The following ZNF618 variants were observed in gnomAD, a reference collection of about 807,000 sequenced individuals.
ZNF618 encodes the protein zinc finger protein 618, also known as neural precursor cell expressed, developmentally down-regulated 10.
Under a neutral mutation model 103.0 loss-of-function variants are expected in ZNF618, and 34 were observed. The observed-to-expected ratio is 0.33, with a 90% CI of 0.25 to 0.44. The LOEUF (loss-of-function observed/expected upper bound fraction) is 0.44. Among genes scored for constraint, ZNF618 ranks in the 20% least tolerant of loss-of-function variants. The pLI is 1.00. For synonymous variants in ZNF618, 551 were observed against 542.2 expected, an observed-to-expected ratio of 1.02 and a Z score of -0.23; for missense variants, 1,059 against 1,295.4, an observed-to-expected ratio of 0.82 and a Z score of 2.80.
At chr9:113,949,989 C>G (rs1324586442) in intron 1 of ZNF618, among the ~76,000 whole-genome samples, 1 of 152,190 alleles carries the variant, frequency 6.6e-6, no homozygotes, top group Non-Finnish European at 1.5e-5. Flanking sequence ...TTTATTTTAT[C>G]TGCCCCCCTC....
intron 1 of ZNF618, among the ~76,000 whole-genome samples, chr9:113,965,279 C>A (rs1443268553): frequency 6.6e-6 from 1 of 152,116 alleles, no homozygotes; most frequent in Non-Finnish European, 1.5e-5. Flanking sequence ...TTACAACTTA[C>A]ATTTGCACAA....
At chr9:113,988,715 G>T in intron 3 of ZNF618, 135 bp downstream of exon 3, 3 of 1,317,170 alleles carry the variant, frequency 2.3e-6, no homozygotes, top group Non-Finnish European at 3.0e-6. Flanking sequence ...TCTGCATTCA[G>T]GGAGAGATCT....
chr9:113,998,194 C>A, intron 3 of ZNF618, 65 bp from the exon 4 acceptor site: 1 of 1,463,810 alleles, frequency 6.8e-7, no homozygotes, highest in Non-Finnish European at 9.3e-7. Context: ...CAACTTCGCC[C>A]CTTCCCTAAC....
At chr9:113,885,668 C>T (rs1326654693) in intron 1 of ZNF618, among the ~76,000 whole-genome samples, 1 of 152,184 alleles carries the variant, frequency 6.6e-6, no homozygotes, top group Non-Finnish European at 1.5e-5. Context: ...GACACAGCCT[C>T]TACTTGTTCA....
intron 1 of ZNF618, among the ~76,000 whole-genome samples, chr9:113,940,868 T>C (rs1277322226): frequency 6.6e-6 from 1 of 152,196 alleles, no homozygotes; most frequent in East Asian, 1.9e-4. Flanking sequence ...CAATTTGTGA[T>C]ATTCTGCCTT....
At chr9:114,025,241 G>C (rs1843395111) in intron 10 of ZNF618, among the ~76,000 whole-genome samples, 1 of 152,184 alleles carries the variant, frequency 6.6e-6, no homozygotes. Context: ...TCCAGCCCTT[G>C]AGCACGTGAT....
chr9:113,948,357 G>T (rs1160324650), intron 1 of ZNF618, among the ~76,000 whole-genome samples: 1 of 152,212 alleles, frequency 6.6e-6, no homozygotes, highest in Non-Finnish European at 1.5e-5. Flanking sequence ...GGAAAGCAGA[G>T]ATGACATTTC....
In ZNF618 at chr9:114,032,674, G is replaced by A. The variant is rs1408263998; in HGVS notation, c.1114G>A (p.Gly372Ser). 1.2e-6 allele frequency: 2 copies of A among 1,613,916 alleles called. No homozygotes were observed. The highest frequency in any genetic ancestry group is 1.7e-6 in the Non-Finnish European group (2 of 1,179,908). Residue 372 changes from glycine to serine, a missense_variant, in exon 12 of 15, where the codon GGC (glycine) becomes AGC (serine). By Grantham distance (56) the Gly-to-Ser change is moderately conservative. Coordinates refer to ENST00000374126, the MANE Select transcript of ZNF618 (RefSeq NM_001318042.2). ...AAGCGCTTTCAGTCGGAGAGTAGAA[G>A]GCAAAGCACAAAACCACTTTGAAGA... ...AESAFSRRVE[G>S]KAQNHFEETN... is the part of the protein sequence containing the mutation.
At position 113,904,030 on chromosome 9, in the gene ZNF618, G is replaced by A. The variant is rs555219828; in HGVS notation, c.33+27617G>A. ...CCCTCCTTTTTTTTTTTTTTCCAAGGATTCCAATTGCATGTATATTAAGCC... is the reference window on the plus strand; with the variant it reads ...CCCTCCTTTTTTTTTTTTTTCCAAGAATTCCAATTGCATGTATATTAAGCC... On this transcript the variant is annotated intron_variant, in intron 1 of 14. Transcript: ENST00000374126. Among the ~76,000 whole-genome samples the A allele has an allele frequency of 5.2e-4, 76 of 147,516 alleles. No individual in the cohort carries two copies. In the Middle Eastern group the frequency reaches 0.017, roughly 33 times the overall value.
At position 114,049,027 on chromosome 9, in the gene ZNF618, C is replaced by T; in HGVS notation, c.1725C>T (p.His575=). 2 of 1,613,570 alleles carry T rather than the reference C, an allele frequency of 1.2e-6. No individual in the cohort carries two copies. Among genetic ancestry groups the T allele is most frequent in the African/African-American group, 1.3e-5 (1 of 75,066 alleles). The part of the protein sequence containing the change: ...ILTAYQAEGN[H]IKSYVLGVKG... ...CAGCCTACCAGGCCGAGGGCAACCACATCAAGAGCTATGTGCTTGGTGTGA... is the reference window on the plus strand; with the variant it reads ...CAGCCTACCAGGCCGAGGGCAACCATATCAAGAGCTATGTGCTTGGTGTGA... The change falls in exon 15 of 15, where the codon CAC becomes CAT. Residue 575 remains histidine, a synonymous_variant. Transcript: ENST00000374126.
At chr9:113,998,496 C>T (rs1237730815) in intron 4 of ZNF618, 142 bp downstream of exon 4, 6 of 708,236 alleles carry the variant, frequency 8.5e-6, no homozygotes, top group Non-Finnish European at 1.4e-5. Context: ...TCTTCATCCC[C>T]TGTCCTGGCT....
At chr9:114,024,604 C>T (rs1160929348) in intron 10 of ZNF618, among the ~76,000 whole-genome samples, 2 of 152,226 alleles carry the variant, frequency 1.3e-5, no homozygotes, top group Admixed American at 6.5e-5. Flanking sequence ...AAGGCATGGC[C>T]TTTCTGGCCG....
At chr9:114,029,108 G>A in intron 11 of ZNF618, 136 bp downstream of exon 11, 2 of 1,306,126 alleles carry the variant, frequency 1.5e-6, no homozygotes, top group South Asian at 1.5e-5. Flanking sequence ...ACAAATCTGA[G>A]TCCCAGCTCT....
chr9:113,959,162 G>T (rs1836601912), intron 1 of ZNF618, among the ~76,000 whole-genome samples: 1 of 152,040 alleles, frequency 6.6e-6, no homozygotes, highest in Non-Finnish European at 1.5e-5. Flanking sequence ...CGTGGCGCAT[G>T]CCTGTAATCC....
At chr9:113,897,444 G>A (rs1338293227) in intron 1 of ZNF618, among the ~76,000 whole-genome samples, 3 of 152,078 alleles carry the variant, frequency 2.0e-5, no homozygotes, top group African/African-American at 4.8e-5. Context: ...TTTCACCCTT[G>A]AAATTTGAGG....
At chr9:114,022,615 A>AG (rs1241831479) in intron 10 of ZNF618, among the ~76,000 whole-genome samples, 1 of 151,090 alleles carries the variant, frequency 6.6e-6, no homozygotes, top group Non-Finnish European at 1.5e-5. Context: ...AAAAAAAAAA[A>AG]AAAAAAGGCA....
At chr9:114,020,991 T>C (rs937118121) in intron 10 of ZNF618, among the ~76,000 whole-genome samples, 1 of 152,084 alleles carries the variant, frequency 6.6e-6, no homozygotes, top group Non-Finnish European at 1.5e-5. Flanking sequence ...AAAGTTTTTC[T>C]TATAAATTGA....
intron 10 of ZNF618, among the ~76,000 whole-genome samples, chr9:114,019,058 A>G (rs1219373717): frequency 1.3e-5 from 2 of 152,180 alleles, no homozygotes; most frequent in African/African-American, 4.8e-5. Context: ...AAGGACATAG[A>G]CTGACTGTGG....
In ZNF618 at chr9:114,028,863, G is replaced by A. The variant is rs562435062; in HGVS notation, c.975G>A (p.Pro325=). Residue 325 remains proline, a synonymous_variant, in exon 11 of 15, where the codon CCG becomes CCA. Coordinates refer to ENST00000374126, the MANE Select transcript of ZNF618 (RefSeq NM_001318042.2). ...TQTNQSGKKA[P]ASVVRCATLL... Reference sequence around the variant, plus strand: ...CGAACCAGTCGGGGAAAAAAGCTCCGGCCTCCGTGGTCCGATGTGCCACCC... The same window carrying A: ...CGAACCAGTCGGGGAAAAAAGCTCCAGCCTCCGTGGTCCGATGTGCCACCC... The A allele has an allele frequency of 1.8e-4, 284 of 1,550,572 alleles. No homozygotes were observed. Among genetic ancestry groups the A allele is most frequent in the South Asian group, 5.7e-4 (48 of 84,052 alleles).
Sources: allele counts gnomAD v4.1 joint callset (sites outside exome capture counted in the v4.1 genomes callset), GRCh38; gene constraint gnomAD v4.1.1; transcripts MANE v1.5; gene names NCBI Gene and HGNC (gene_info 2026-07-23, HGNC 2026-07-21).